GRK5: variants seen among roughly 807,000 people sequenced by gnomAD.
GRK5 encodes the protein G protein-coupled receptor kinase 5, also known as g protein-coupled receptor kinase GRK5.
Under a neutral mutation model 78.4 loss-of-function variants are expected in GRK5, and 40 were observed. That is an observed-to-expected ratio of 0.51 (90% CI 0.40 to 0.66). The LOEUF (loss-of-function observed/expected upper bound fraction) is 0.66. Among genes scored for constraint, GRK5 ranks in the 30% least tolerant of loss-of-function variants. The pLI is 0.00. For missense variants in GRK5, 598 were observed against 759.9 expected (o/e 0.79, Z 2.50); for synonymous variants, 289 against 296.8 (o/e 0.97, Z 0.27).
chr10:119,319,637 G>A (rs533731447), intron 1 of GRK5, among the ~76,000 whole-genome samples: 11 of 152,372 alleles, frequency 7.2e-5, no homozygotes, highest in African/African-American at 2.6e-4. Context: ...GGTAAACCCT[G>A]AACAGCAGAG....
At chr10:119,348,828 C>T (rs1460453258) in intron 2 of GRK5, among the ~76,000 whole-genome samples, 1 of 152,218 alleles carries the variant, frequency 6.6e-6, no homozygotes, top group East Asian at 1.9e-4. Flanking sequence ...TTGCTTTGCT[C>T]TTCTCCATCC....
In GRK5 at chr10:119,430,566, CG is replaced by C; in HGVS notation, c.597+133del. Reference sequence around the variant, plus strand: ...GGCACCAGTGGCTCAATGTGGGCCCCGGGGGCAGTGAGGGTGGGAGAGAGTC... The same window carrying C: ...GGCACCAGTGGCTCAATGTGGGCCCCGGGGCAGTGAGGGTGGGAGAGAGTC... On this transcript the variant is annotated intron_variant, in intron 7 of 15. Coordinates refer to ENST00000392870, the MANE Select transcript of GRK5 (RefSeq NM_005308.3). This position sits in a 1 kb window ranked among gnomAD's most constrained non-coding sequence, Gnocchi z 4.5. 4.1e-6 allele frequency: 3 copies of C among 724,666 alleles called. No homozygotes were observed. 44.9% of individuals were successfully genotyped at this position (724,666 alleles called of 1,614,324 possible).
At position 119,455,036 on chromosome 10, in the gene GRK5, A is replaced by T. The variant is rs774811914; in HGVS notation, c.1742A>T (p.His581Leu). The stretch of plus-strand genomic sequence containing the variant: ...TTTAACCACCACATAAACTCAAACC[A>T]TGTCAGCTCGAACTCCACCGGAAGC... ...TSFNHHINSN[H>L]VSSNSTGSS Residue 581 changes from histidine to leucine, a missense_variant, in exon 16 of 16, where the codon CAT (histidine) becomes CTT (leucine). Transcript: ENST00000392870. The T allele has an allele frequency of 3.1e-6, 5 of 1,613,952 alleles. 1 individual carries two copies. The South Asian group carries it at 5.5e-5, about 18-fold the overall frequency.
chr10:119,402,136 G>A (rs1039440743), intron 4 of GRK5, among the ~76,000 whole-genome samples: 1 of 152,228 alleles, frequency 6.6e-6, no homozygotes, highest in Non-Finnish European at 1.5e-5. Context: ...TGGCCAGTGG[G>A]GAGGCTGGGA....
In GRK5 at chr10:119,430,863, T is replaced by G. The variant is rs1383580622; in HGVS notation, c.597+425T>G. Among the ~76,000 whole-genome samples the G allele has an allele frequency of 2.0e-5, 3 of 152,220 alleles. No homozygotes were observed. The highest frequency in any genetic ancestry group is 7.2e-5 in the African/African-American group (3 of 41,468). On this transcript the variant is annotated intron_variant, in intron 7 of 15. Coordinates refer to ENST00000392870, the MANE Select transcript of GRK5 (RefSeq NM_005308.3). This position sits in a 1 kb window ranked among gnomAD's most constrained non-coding sequence, Gnocchi z 4.5. Reference sequence around the variant, plus strand: ...CCAGCATGTGAGGCAAGCCTTGTTATTCCCATTTTAGAGATGAGGAAAGCT... The same window carrying G: ...CCAGCATGTGAGGCAAGCCTTGTTAGTCCCATTTTAGAGATGAGGAAAGCT...
At chr10:119,216,217 G>A (rs973432956) in intron 1 of GRK5, among the ~76,000 whole-genome samples, 1 of 152,182 alleles carries the variant, frequency 6.6e-6, no homozygotes, top group African/African-American at 2.4e-5. Flanking sequence ...GGCCAGTTTT[G>A]ATAGGGCCTA....
At chr10:119,209,487 GTTTTTTTTTTT>G (rs60169912) in intron 1 of GRK5, among the ~76,000 whole-genome samples, 1,799 of 98,918 alleles carry the variant, frequency 0.018, 55 homozygotes, top group African/African-American at 0.057. Flanking sequence ...TGTGTGTGTG[GTTTTTTTTTTT>G]TTTTTTTTTT....
At chr10:119,274,209 C>T (rs1183369611) in intron 1 of GRK5, among the ~76,000 whole-genome samples, 1 of 152,006 alleles carries the variant, frequency 6.6e-6, no homozygotes, top group African/African-American at 2.4e-5. Context: ...GGGTGCTGGC[C>T]AGCACCGAGA....
chr10:119,322,080 A>C (rs1157027238), intron 1 of GRK5, among the ~76,000 whole-genome samples: 1 of 152,122 alleles, frequency 6.6e-6, no homozygotes, highest in Admixed American at 6.5e-5. Flanking sequence ...TTCTGGGCCC[A>C]AGCAATCCTC....
chr10:119,324,051 A>G (rs1850633287), intron 1 of GRK5, among the ~76,000 whole-genome samples: 1 of 152,224 alleles, frequency 6.6e-6, no homozygotes, highest in Non-Finnish European at 1.5e-5. Context: ...GGGAGCTCAC[A>G]GGCTGGGTCC....
chr10:119,326,701 C>T, intron 2 of GRK5, 90 bp downstream of exon 2: 1 of 966,196 alleles, frequency 1.0e-6, no homozygotes, highest in East Asian at 2.4e-5. Flanking sequence ...GGTGAGCCGC[C>T]AAGCTGTCTG....
At chr10:119,419,318 G>C (rs1339014859) in intron 4 of GRK5, among the ~76,000 whole-genome samples, 2 of 152,224 alleles carry the variant, frequency 1.3e-5, no homozygotes, top group Middle Eastern at 3.2e-3. Flanking sequence ...TTCTTAAAGA[G>C]TCTCTCTTTG....
At chr10:119,297,154 G>C (rs1329396739) in intron 1 of GRK5, among the ~76,000 whole-genome samples, 3 of 152,242 alleles carry the variant, frequency 2.0e-5, no homozygotes, top group East Asian at 3.8e-4. Context: ...TATGGGCCCA[G>C]ACCCTGCCAT....
At chr10:119,257,859 C>A (rs945116494) in intron 1 of GRK5, among the ~76,000 whole-genome samples, 1 of 152,206 alleles carries the variant, frequency 6.6e-6, no homozygotes, top group Admixed American at 6.5e-5. Context: ...GTGACAAGGA[C>A]AGGATTCTGG....
At position 119,217,223 on chromosome 10, in the gene GRK5, A is replaced by G. The variant is rs1005327037; in HGVS notation, c.52+9254A>G. Among the ~76,000 whole-genome samples, 1 of 152,246 alleles carries G rather than the reference A, an allele frequency of 6.6e-6. No homozygotes were observed. The highest frequency in any genetic ancestry group is 2.4e-5 in the African/African-American group (1 of 41,472). On this transcript the variant is annotated intron_variant, in intron 1 of 15. Coordinates refer to ENST00000392870, the MANE Select transcript of GRK5 (RefSeq NM_005308.3). The surrounding 1 kb of genome is among the most constrained non-coding windows in gnomAD (Gnocchi z 4.1). ...CTGGGAAAAGGGGCAAATTGGGAAT[A>G]TAATTTCTGTCTCAGACCGTGATTT...
intron 1 of GRK5, among the ~76,000 whole-genome samples, chr10:119,305,100 A>G (rs891329958): frequency 3.3e-5 from 5 of 151,114 alleles, no homozygotes; most frequent in African/African-American, 9.8e-5. Context: ...AGGAAAGCCC[A>G]GATGAGGTCT....
intron 1 of GRK5, among the ~76,000 whole-genome samples, chr10:119,216,992 A>G (rs532008446): frequency 6.6e-6 from 1 of 152,328 alleles, no homozygotes; most frequent in South Asian, 2.1e-4. Flanking sequence ...GTTCAAGGTC[A>G]CTTGAACTGT....
intron 13 of GRK5, among the ~76,000 whole-genome samples, chr10:119,449,243 C>T (rs1853223150): frequency 1.3e-5 from 2 of 152,250 alleles, no homozygotes; most frequent in Admixed American, 6.5e-5. Flanking sequence ...ATCAGGGCCT[C>T]TGCGTCCCCC....
chr10:119,445,489 G>C lies in GRK5; in HGVS notation c.1266+1737G>C, dbSNP rs1853126641. Among the ~76,000 whole-genome samples, 1 of 152,112 alleles carries C rather than the reference G, an allele frequency of 6.6e-6. No homozygotes were observed. Among genetic ancestry groups the C allele is most frequent in the Non-Finnish European group, 1.5e-5 (1 of 68,014 alleles). Reference sequence around the variant, plus strand: ...TTTGGAGCTGGGATCTCCTGCTGCAGCCTGGACCAGGGTGCTGCTGTCCCT... The same window carrying C: ...TTTGGAGCTGGGATCTCCTGCTGCACCCTGGACCAGGGTGCTGCTGTCCCT... On this transcript the variant is annotated intron_variant, in intron 12 of 15. Transcript: ENST00000392870. This position sits in a 1 kb window ranked among gnomAD's most constrained non-coding sequence, Gnocchi z 4.1.
Sources: gnomAD v4.1 joint callset for allele counts (sites outside exome capture counted in the v4.1 genomes callset) on GRCh38, gnomAD v4.1.1 for gene constraint, Gnocchi (gnomAD v3.1) non-coding constraint, MANE v1.5 for transcripts, NCBI Gene and HGNC (gene_info 2026-07-23, HGNC 2026-07-21) for gene names.